The following KLC3 variants were observed in gnomAD, a reference collection of about 807,000 sequenced individuals.
The protein encoded by KLC3 is kinesin light chain 2.
Under a neutral mutation model 62.9 loss-of-function variants are expected in KLC3, and 72 were observed. That is an observed-to-expected ratio of 1.15 (90% CI 0.95 to 1.39). KLC3 has a LOEUF of 1.39. KLC3 is among the 40% of genes most tolerant of loss of function. The probability of loss-of-function intolerance (pLI) is 0.00; values close to 1 mark genes in which losing one functional copy is unlikely to be tolerated. For missense variants in KLC3, 848 were observed against 691.6 expected (o/e 1.23, Z -2.54); for synonymous variants, 377 against 300.5 (o/e 1.25, Z -2.63).
At chr19:45,342,537 G>T (rs562233770) in intron 1 of KLC3, among the ~76,000 whole-genome samples, 2 of 152,088 alleles carry the variant, frequency 1.3e-5, no homozygotes, top group East Asian at 3.9e-4. Context: ...AGGGGGGAGC[G>T]GGTGGATCAT....
chr19:45,343,188 A>G (rs1971425471), intron 1 of KLC3, among the ~76,000 whole-genome samples: 1 of 151,990 alleles, frequency 6.6e-6, no homozygotes, highest in African/African-American at 2.4e-5. Context: ...CATTGTGGGG[A>G]GTTGGCTGCT....
intron 1 of KLC3, among the ~76,000 whole-genome samples, chr19:45,342,793 G>A (rs1007283682): frequency 6.6e-6 from 1 of 152,012 alleles, no homozygotes; most frequent in African/African-American, 2.4e-5. Flanking sequence ...ATTTTTTAAA[G>A]GTTGATATAT....
chr19:45,349,325 G>C (rs1363150633), intron 7 of KLC3, 104 bp from the exon 8 acceptor site: 2 of 1,211,868 alleles, frequency 1.7e-6, no homozygotes, highest in African/African-American at 1.5e-5. Context: ...GTCACTCTCT[G>C]CTTTGACCCT....
chr19:45,345,912 G>C (rs1355281370), intron 2 of KLC3, 113 bp downstream of exon 2: 1 of 1,226,438 alleles, frequency 8.2e-7, no homozygotes, highest in African/African-American at 1.5e-5. Context: ...CTATTGCAGA[G>C]GGGCACACTT....
At chr19:45,350,465 G>C (rs1271721824) in intron 9 of KLC3, 34 bp downstream of exon 9, 2 of 1,613,364 alleles carry the variant, frequency 1.2e-6, no homozygotes, top group Non-Finnish European at 1.7e-6. Flanking sequence ...CTTCCCTCCT[G>C]GTGGCTTCTC....
intron 12 of KLC3, 105 bp from the exon 13 acceptor site, chr19:45,351,181 C>A: frequency 6.3e-7 from 1 of 1,584,586 alleles, no homozygotes; most frequent in East Asian, 2.2e-5. Context: ...GGGGTAGAGG[C>A]GAGGGGGTTG....
At position 45,351,403 on chromosome 19, in the gene KLC3, G is replaced by C. The variant is rs745585393; in HGVS notation, c.*46G>C. The C allele has an allele frequency of 1.2e-5, 19 of 1,602,112 alleles. No homozygotes were observed. Among genetic ancestry groups the C allele is most frequent in the Non-Finnish European group, 1.6e-5 (19 of 1,177,696 alleles). ...CCGCAGCTTCTTGGGAACAGTGCAGGAGGGATGGGCTGGTGGGGTGAGAGG... is the reference window on the plus strand; with the variant it reads ...CCGCAGCTTCTTGGGAACAGTGCAGCAGGGATGGGCTGGTGGGGTGAGAGG... On this transcript the variant is annotated 3_prime_UTR_variant, in exon 13 of 13. Coordinates refer to ENST00000391946, the MANE Select transcript of KLC3 (RefSeq NM_177417.3).
intron 1 of KLC3, among the ~76,000 whole-genome samples, chr19:45,343,103 G>A (rs551562889): frequency 6.6e-6 from 1 of 152,276 alleles, no homozygotes; most frequent in Admixed American, 6.5e-5. Flanking sequence ...GAGTGGGAGG[G>A]AGAGGAAGTA....
rs750084778 is a variant in KLC3 at position 45,348,166 on chromosome 19, C to A, written c.779+6C>A. The A allele has an allele frequency of 7.4e-5, 116 of 1,567,474 alleles. No individual in the cohort carries two copies. In the Admixed American group the frequency reaches 9.8e-4, roughly 13 times the overall value. On this transcript the variant is annotated splice_donor_region_variant and intron_variant, in intron 5 of 12. Transcript: ENST00000391946. The stretch of plus-strand genomic sequence containing the variant: ...ATCCTGGCGCTGGTGTACCGGTGAG[C>A]ACTGCGGCCAGCCATGGCTGGGGGC...
In KLC3 at chr19:45,350,893, C is replaced by T. The variant is rs1599718845; in HGVS notation, c.1380-61C>T. On this transcript the variant is annotated intron_variant, in intron 11 of 12. Transcript: ENST00000391946. ...AGATCAAACCCTGTGCTGGAAAGGT[C>T]CCTCGTGGAGGGGGGCCACTCCTGG... is the stretch of plus-strand genomic sequence containing the variant. The T allele has an allele frequency of 1.9e-6, 3 of 1,571,664 alleles. No individual in the cohort carries two copies. The East Asian group carries it at 6.8e-5, about 35-fold the overall frequency.
chr19:45,348,406 C>T (rs1971563805), intron 5 of KLC3, among the ~76,000 whole-genome samples: 1 of 152,090 alleles, frequency 6.6e-6, no homozygotes, highest in Non-Finnish European at 1.5e-5. Context: ...CACCAGGGAC[C>T]CCAACAGAGC....
chr19:45,346,447 A>T, intron 2 of KLC3, 97 bp from the exon 3 acceptor site: 1 of 993,382 alleles, frequency 1.0e-6, no homozygotes, highest in Non-Finnish European at 1.5e-6. Flanking sequence ...CGTGCATAGT[A>T]GTGGGGTGCT....
Position 45,346,631 on chromosome 19 carries a change from A to G in KLC3, c.346A>G (p.Asn116Asp). 1 of 1,553,334 alleles carries G rather than the reference A, an allele frequency of 6.4e-7. No individual in the cohort carries two copies. Among genetic ancestry groups the G allele is most frequent in the Non-Finnish European group, 8.7e-7 (1 of 1,148,734 alleles). Residue 116 changes from asparagine to aspartate, a missense_variant, in exon 3 of 13, where the codon AAC becomes GAC. Transcript: ENST00000391946. ...RSQARRLAQE[N>D]VWLREELEET... ...GCAGGCCCGGCGGCTGGCCCAGGAGAACGTGTGGCTGCGGGAGGAACTGGA... is the reference window on the plus strand; with the variant it reads ...GCAGGCCCGGCGGCTGGCCCAGGAGGACGTGTGGCTGCGGGAGGAACTGGA...
At chr19:45,343,217 G>A (rs1599704211) in intron 1 of KLC3, among the ~76,000 whole-genome samples, 1 of 152,152 alleles carries the variant, frequency 6.6e-6, no homozygotes, top group South Asian at 2.1e-4. Context: ...ATGTGAGTTC[G>A]GGGGACAGCG....
intron 8 of KLC3, chr19:45,350,082 C>G: frequency 2.0e-6 from 1 of 512,612 alleles, no homozygotes; most frequent in Non-Finnish European, 3.5e-6. Flanking sequence ...CCACTCTGCC[C>G]CAGGGCAAGG....
At position 45,351,059 on chromosome 19, in the gene KLC3, G is replaced by A. The variant is rs1387896158; in HGVS notation, c.1443+42G>A. 2.5e-6 allele frequency: 4 copies of A among 1,613,820 alleles called. No individual in the cohort carries two copies. The African/African-American group carries it at 4.0e-5, about 16-fold the overall frequency. ...GGTCAAAAATAGAGGAGGCCATGTGGGTAGGTGCAGAGATGAGGCAAAGGC... is the reference window on the plus strand; with the variant it reads ...GGTCAAAAATAGAGGAGGCCATGTGAGTAGGTGCAGAGATGAGGCAAAGGC... On this transcript the variant is annotated intron_variant, in intron 12 of 12. Coordinates refer to ENST00000391946, the MANE Select transcript of KLC3 (RefSeq NM_177417.3).
In KLC3 at chr19:45,345,789, G is replaced by C; in HGVS notation, c.248G>C (p.Gly83Ala). 1 of 1,548,868 alleles carries C rather than the reference G, an allele frequency of 6.5e-7. No individual in the cohort carries two copies. Among genetic ancestry groups the C allele is most frequent in the African/African-American group, 1.4e-5 (1 of 73,140 alleles). Residue 83 changes from glycine (G) to alanine (A), a missense_variant, in exon 2 of 13, where the codon GGC becomes GCC. Transcript: ENST00000391946. ...HSLEAIELGL[G>A]EAQVLLALSA... is the part of the protein sequence containing the mutation. ...CTGGAGGCCATCGAGCTGGGGCTGG[G>C]CGAGGCCCAGGTATGAGGGGGCCAG...
intron 2 of KLC3, 98 bp from the exon 3 acceptor site, chr19:45,346,446 T>C: frequency 1.0e-6 from 1 of 990,380 alleles, no homozygotes; most frequent in Non-Finnish European, 1.5e-6. Flanking sequence ...TCGTGCATAG[T>C]AGTGGGGTGC....
chr19:45,342,307 C>T lies in KLC3; in HGVS notation c.-9+1461C>T, dbSNP rs188306256. Among the ~76,000 whole-genome samples, 20 of 152,046 alleles carry T rather than the reference C, an allele frequency of 1.3e-4. No individual in the cohort carries two copies. In the East Asian group the frequency reaches 3.7e-3, roughly 28 times the overall value. On this transcript the variant is annotated intron_variant, in intron 1 of 12. Coordinates refer to ENST00000391946, the MANE Select transcript of KLC3 (RefSeq NM_177417.3). ...GATATACACAAGCACACAGATTGGC[C>T]GGGTGCAGTGGCTCATACCTGTAAT...
Sources: gnomAD v4.1 joint callset for allele counts (sites outside exome capture counted in the v4.1 genomes callset) on GRCh38, gnomAD v4.1.1 for gene constraint, MANE v1.5 for transcripts, NCBI Gene and HGNC (gene_info 2026-07-23, HGNC 2026-07-21) for gene names.